KIAA0825: variants seen among roughly 807,000 people sequenced by gnomAD.
The protein encoded by KIAA0825 is KIAA0825.
In KIAA0825, 119 loss-of-function variants were observed where a neutral mutation model predicts 147.6. The observed-to-expected ratio is 0.81, with a 90% confidence interval of 0.69 to 0.94. The LOEUF is 0.94. KIAA0825 is among the 40% of genes least tolerant of loss of function. The pLI, the probability that KIAA0825 is intolerant of heterozygous loss-of-function variation, is 0.00. For synonymous variants in KIAA0825, 470 were observed against 518.1 expected (o/e 0.91, Z 1.26); for missense variants, 1,381 against 1,472.7 (o/e 0.94, Z 1.02).
chr5:94,266,112 A>G (rs1250013017), intron 20 of KIAA0825, among the ~76,000 whole-genome samples: 1 of 152,220 alleles, frequency 6.6e-6, no homozygotes. Flanking sequence ...CCCTGAAATT[A>G]ACATAGTAAA....
Position 94,153,923 on chromosome 5 carries a change from AG to A in KIAA0825, c.*83del. On this transcript the variant is annotated 3_prime_UTR_variant, in exon 21 of 21. Coordinates refer to ENST00000682413, the MANE Select transcript of KIAA0825 (RefSeq NM_001145678.3). Reference sequence around the variant, plus strand: ...GGTTTCATGCTTCACAGCACATATGAGGTTCATTCTGACTATGGTAAAAAAT... The same window carrying A: ...GGTTTCATGCTTCACAGCACATATGAGTTCATTCTGACTATGGTAAAAAAT... 1.2e-6 allele frequency: 1 copy of A among 858,012 alleles called. No individual in the cohort carries two copies. Among genetic ancestry groups the A allele is most frequent in the South Asian group, 1.5e-5 (1 of 66,054 alleles). The allele number at this position is 858,012 out of a possible 1,614,324, so 53.1% of individuals were successfully genotyped here.
At chr5:94,326,027 A>C (rs1780650516) in intron 20 of KIAA0825, among the ~76,000 whole-genome samples, 1 of 152,132 alleles carries the variant, frequency 6.6e-6, no homozygotes, top group Non-Finnish European at 1.5e-5. Context: ...TGACAAGTAT[A>C]AAATTTGATC....
At chr5:94,499,930 C>G (rs959865834) in intron 5 of KIAA0825, among the ~76,000 whole-genome samples, 1 of 151,968 alleles carries the variant, frequency 6.6e-6, no homozygotes, top group African/African-American at 2.4e-5. Flanking sequence ...GCTGTAGGAG[C>G]GTGGATTAGG....
At position 94,170,420 on chromosome 5, in the gene KIAA0825, T is replaced by A. The variant is rs142136088; in HGVS notation, c.3711-16296A>T. Among the ~76,000 whole-genome samples the A allele has an allele frequency of 5.3e-5, 8 of 152,354 alleles. No individual in the cohort carries two copies. The East Asian group carries it at 1.5e-3, about 29-fold the overall frequency. On this transcript the variant is annotated intron_variant, in intron 20 of 20. Coordinates refer to ENST00000682413, the MANE Select transcript of KIAA0825 (RefSeq NM_001145678.3). Reference sequence around the variant, plus strand: ...TTTCACAGTGGTGGCAGATTAGGAATGTCTCAAAATACTTATTATCATTTT... The same window carrying A: ...TTTCACAGTGGTGGCAGATTAGGAAAGTCTCAAAATACTTATTATCATTTT...
At chr5:94,347,905 T>A (rs1783196731) in intron 20 of KIAA0825, among the ~76,000 whole-genome samples, 1 of 151,732 alleles carries the variant, frequency 6.6e-6, no homozygotes, top group South Asian at 2.1e-4. Flanking sequence ...ATACAAGAAA[T>A]GAAGTGAGAA....
Position 94,151,601 on chromosome 5 carries a change from C to T in KIAA0825, c.*2406G>A, listed in dbSNP as rs1766506548. Among the ~76,000 whole-genome samples the T allele has an allele frequency of 6.6e-6, 1 of 152,100 alleles. No individual in the cohort carries two copies. The highest frequency in any genetic ancestry group is 6.6e-5 in the Admixed American group (1 of 15,262). ...AACTGCAAGGCCTCTTTCTCTCCTA[C>T]TTTTATCTTCCTTTAAACTCATCCC... On this transcript the variant is annotated 3_prime_UTR_variant, in exon 21 of 21. Transcript: ENST00000682413.
intron 14 of KIAA0825, among the ~76,000 whole-genome samples, chr5:94,438,559 G>T (rs1348269115): frequency 6.6e-6 from 1 of 151,996 alleles, no homozygotes. Context: ...CTGCCTTTCT[G>T]CCTGGAACAC....
At chr5:94,160,540 C>T (rs2149916716) in intron 20 of KIAA0825, among the ~76,000 whole-genome samples, 1 of 147,224 alleles carries the variant, frequency 6.8e-6, no homozygotes, top group Admixed American at 6.8e-5. Flanking sequence ...AATATACATA[C>T]ATATATGTAT....
At chr5:94,612,988 G>A (rs1487376941) in intron 1 of KIAA0825, among the ~76,000 whole-genome samples, 1 of 152,110 alleles carries the variant, frequency 6.6e-6, no homozygotes, top group Admixed American at 6.5e-5. Context: ...TGTGGCTCAG[G>A]GAATTTAAGT....
chr5:94,216,124 G>T (rs925651979), intron 20 of KIAA0825, among the ~76,000 whole-genome samples: 5 of 152,050 alleles, frequency 3.3e-5, no homozygotes, highest in African/African-American at 4.8e-5. Flanking sequence ...CTTTCTTTAG[G>T]CTGGTACAAC....
chr5:94,317,370 G>C (rs1037442764), intron 20 of KIAA0825, among the ~76,000 whole-genome samples: 2 of 151,884 alleles, frequency 1.3e-5, no homozygotes, highest in Non-Finnish European at 2.9e-5. Context: ...GAAGATGCCA[G>C]TTTCTTTTCT....
intron 5 of KIAA0825, among the ~76,000 whole-genome samples, chr5:94,486,408 T>C (rs1763064020): frequency 1.3e-5 from 2 of 152,062 alleles, no homozygotes; most frequent in African/African-American, 4.8e-5. Flanking sequence ...CTTTAAAATG[T>C]TAGCATCAAA....
At chr5:94,395,242 C>T (rs1750482385) in intron 17 of KIAA0825, among the ~76,000 whole-genome samples, 1 of 152,122 alleles carries the variant, frequency 6.6e-6, no homozygotes, top group Non-Finnish European at 1.5e-5. Context: ...TTTATCACTA[C>T]CATGTACTAG....
At chr5:94,470,832 CT>C (rs1562529805) in intron 9 of KIAA0825, among the ~76,000 whole-genome samples, 1 of 152,044 alleles carries the variant, frequency 6.6e-6, no homozygotes. Flanking sequence ...ACTGCTAAGT[CT>C]ACGTGTTTCT....
Position 94,515,706 on chromosome 5 carries a change from C to A in KIAA0825, c.970+4542G>T, listed in dbSNP as rs141328381. On this transcript the variant is annotated intron_variant, in intron 5 of 20. Coordinates refer to ENST00000682413, the MANE Select transcript of KIAA0825 (RefSeq NM_001145678.3). ...ACTTGGGAGACTGAGGCAAGAGAAT[C>A]GCTTGAACCCAGGAGGTGGAGGTTG... Among the ~76,000 whole-genome samples the A allele has an allele frequency of 4.6e-3, 696 of 150,322 alleles. 3 individuals are homozygous for A. Among genetic ancestry groups the A allele is most frequent in the African/African-American group, 0.017 (672 of 40,134 alleles).
At position 94,403,686 on chromosome 5, in the gene KIAA0825, T is replaced by C. The variant is rs1330807724; in HGVS notation, c.2770A>G (p.Arg924Gly). ...TTTAGGTTTGTCTCACAGTTTCTCC[T>C]AGAACTCATTACAGATACTATCTGC... ...VQQIVSVMSS[R>G]RNCETNLNKH... Residue 924 changes from arginine (R) to glycine (G), a missense_variant, in exon 16 of 21, where the codon AGG becomes GGG. Physicochemically the swap from Arg to Gly is moderately radical, Grantham distance 125. Transcript: ENST00000682413. 2.6e-6 allele frequency: 4 copies of C among 1,551,500 alleles called. No individual in the cohort carries two copies. Among genetic ancestry groups the C allele is most frequent in the Non-Finnish European group, 3.5e-6 (4 of 1,146,928 alleles).
chr5:94,598,024 A>G (rs996139380), intron 1 of KIAA0825, among the ~76,000 whole-genome samples: 1 of 152,154 alleles, frequency 6.6e-6, no homozygotes, highest in African/African-American at 2.4e-5. Flanking sequence ...ACTGAACACT[A>G]CTGTAGACTT....
chr5:94,268,540 C>T (rs770005805), intron 20 of KIAA0825, among the ~76,000 whole-genome samples: 3 of 152,216 alleles, frequency 2.0e-5, no homozygotes, highest in Non-Finnish European at 4.4e-5. Flanking sequence ...CAAATAGAAA[C>T]GGTGGCTCTT....
chr5:94,153,198 T>G lies in KIAA0825; in HGVS notation c.*809A>C, dbSNP rs993977746. The G allele has an allele frequency of 2.0e-5, 3 of 151,704 alleles. No individual in the cohort carries two copies. The highest frequency in any genetic ancestry group is 6.6e-5 in the Admixed American group (1 of 15,212). The allele number at this position is 151,704 out of a possible 1,614,324, so 9.4% of individuals were successfully genotyped here. A position where few individuals can be genotyped will look rare whatever the true frequency, so the allele number is the denominator to read the frequency against. The stretch of plus-strand genomic sequence containing the variant: ...TGTTTTCTTATTTTGTGTGTGTGTA[T>G]CAATACAATGAAAAAATTTTAAAGT... On this transcript the variant is annotated 3_prime_UTR_variant, in exon 21 of 21. Coordinates refer to ENST00000682413, the MANE Select transcript of KIAA0825 (RefSeq NM_001145678.3).
Sources: allele counts gnomAD v4.1 joint callset (sites outside exome capture counted in the v4.1 genomes callset), GRCh38; gene constraint gnomAD v4.1.1; transcripts MANE v1.5; gene names NCBI Gene and HGNC (gene_info 2026-07-23, HGNC 2026-07-21).